Variants in FBXO47 observed in about 807,000 individuals in gnomAD.
FBXO47 encodes F-box only protein 47.
FBXO47 carries 34 observed loss-of-function variants against 53.9 expected under a neutral mutation model. The ratio of observed to expected loss-of-function variants is 0.63; its 90% CI spans 0.48 to 0.84. FBXO47 has a LOEUF of 0.84. Among genes scored for constraint, FBXO47 ranks in the 40% least tolerant of loss-of-function variants. The probability of loss-of-function intolerance (pLI) is 0.00; values close to 1 mark genes in which losing one functional copy is unlikely to be tolerated. For missense variants in FBXO47, 485 were observed against 541.3 expected (o/e 0.90, Z 1.03); for synonymous variants, 165 against 181.6 (o/e 0.91, Z 0.73).
intron 6 of FBXO47, among the ~76,000 whole-genome samples, chr17:38,946,630 GAATATATAAA>G (rs1192341207): frequency 1.7e-4 from 1 of 5,800 alleles, no homozygotes; most frequent in African/African-American, 1.6e-3. Flanking sequence ...AAATATATAT[GAATATATAAA>G]TATATATAAA....
At chr17:38,961,819 A>G in intron 3 of FBXO47, 58 bp downstream of exon 3, 1 of 1,452,672 alleles carries the variant, frequency 6.9e-7, no homozygotes, top group Non-Finnish European at 9.5e-7. Flanking sequence ...TTGTATACTA[A>G]GTTTCTCTTA....
chr17:38,941,620 T>TTATATATATA (rs3040090), intron 9 of FBXO47, among the ~76,000 whole-genome samples: 3,715 of 114,946 alleles, frequency 0.032, 72 homozygotes, highest in East Asian at 0.087. Context: ...AAATATAATA[T>TTATATATATA]TATATATATA....
Position 38,937,063 on chromosome 17 carries a change from A to G in FBXO47, c.*112T>C. On this transcript the variant is annotated 3_prime_UTR_variant, in exon 11 of 11. Coordinates refer to ENST00000378079, the MANE Select transcript of FBXO47 (RefSeq NM_001008777.3). ...AATTCTATCCAGCTTTTGAATTCTT[A>G]GGTTACTTAGATGATAAAAAGTCCC... The G allele has an allele frequency of 4.4e-6, 2 of 454,376 alleles. No individual in the cohort carries two copies. The highest frequency in any genetic ancestry group is 7.9e-6 in the Non-Finnish European group (2 of 251,992). 28.1% of individuals were successfully genotyped at this position (454,376 alleles called of 1,614,324 possible). A position where few individuals can be genotyped will look rare whatever the true frequency, so the allele number is the denominator to read the frequency against.
chr17:38,967,010 A>T (rs1418873411), intron 1 of FBXO47, among the ~76,000 whole-genome samples: 2 of 151,576 alleles, frequency 1.3e-5, no homozygotes, highest in African/African-American at 4.9e-5. Context: ...AACTACATTC[A>T]CAGGGATGTC....
rs1555559725 is a variant in FBXO47, at chr17:38,939,323, AATATATAT to A, written c.1084-599_1084-592del. On this transcript the variant is annotated intron_variant, in intron 9 of 10. Transcript: ENST00000378079. ...AAAAAAAAAAAAAAAAAAAAAAAAA[AATATATAT>A]ATATATATATATATGTATTGAAAAC... Among the ~76,000 whole-genome samples the A allele has an allele frequency of 1.2e-4, 6 of 50,178 alleles. No individual in the cohort carries two copies. The South Asian group carries it at 4.1e-3, about 34-fold the overall frequency. 32.9% of individuals were successfully genotyped at this position (50,178 alleles called of 152,430 possible). A position where few individuals can be genotyped will look rare whatever the true frequency, so the allele number is the denominator to read the frequency against.
At chr17:38,955,794 CT>C in intron 4 of FBXO47, among the ~76,000 whole-genome samples, 1 of 151,642 alleles carries the variant, frequency 6.6e-6, no homozygotes, top group South Asian at 2.1e-4. Flanking sequence ...CCTGTCTCTA[CT>C]AAGAATACAA....
At position 38,954,899 on chromosome 17, in the gene FBXO47, G is replaced by C. The variant is rs554557125; in HGVS notation, c.464C>G (p.Pro155Arg). The C allele has an allele frequency of 6.2e-7, 1 of 1,610,926 alleles. No homozygotes were observed. Among genetic ancestry groups the C allele is most frequent in the Admixed American group, 1.7e-5 (1 of 59,408 alleles). ...ACATGTTAATCCTAAACACTGCATAGGAGCTGCACAGCCATTGAATTTAAA... is the reference window on the plus strand; with the variant it reads ...ACATGTTAATCCTAAACACTGCATACGAGCTGCACAGCCATTGAATTTAAA... The part of the protein sequence containing the change: ...SCFKFNGCAA[P>R]MQCLGLTCYG... Residue 155 changes from proline to arginine, a missense_variant, in exon 5 of 11, where the codon CCT becomes CGT. Physicochemically the swap from Pro to Arg is moderately radical, Grantham distance 103. Transcript: ENST00000378079.
chr17:38,948,634 A>C (rs1408083341), intron 6 of FBXO47, among the ~76,000 whole-genome samples: 7 of 152,056 alleles, frequency 4.6e-5, no homozygotes, highest in African/African-American at 1.7e-4. Context: ...TCAGCACTTC[A>C]TTCTTTTTTT....
intron 9 of FBXO47, among the ~76,000 whole-genome samples, chr17:38,939,293 C>CAAAAAAAAAAAAAAAAAA (rs1218321299): frequency 2.9e-5 from 1 of 34,862 alleles, no homozygotes; most frequent in Admixed American, 6.8e-4. Flanking sequence ...ACTCCATCTC[C>CAAAAAAAAAAAAAAAAAA]AAAAAAAAAA....
rs1905879585 is a variant in FBXO47, at chr17:38,962,868, T to C, written c.158A>G (p.Gln53Arg). Residue 53 changes from glutamine (Q) to arginine (R), a missense_variant, in exon 2 of 11, where the codon CAG (glutamine) becomes CGG (arginine). Transcript: ENST00000378079. The part of the protein sequence containing the change: ...NFKALPLEIF[Q>R]IILKYLSVKD... ...ACCTGACAAATATTTTAAAATTATCTGGAATATTTCCAATGGTAAGGCTTT... is the reference window on the plus strand; with the variant it reads ...ACCTGACAAATATTTTAAAATTATCCGGAATATTTCCAATGGTAAGGCTTT... 6.2e-7 allele frequency: 1 copy of C among 1,611,636 alleles called. No homozygotes were observed.
intron 3 of FBXO47, among the ~76,000 whole-genome samples, chr17:38,959,151 A>T (rs1055288955): frequency 7.8e-5 from 11 of 141,616 alleles, no homozygotes; most frequent in Admixed American, 2.1e-4. Flanking sequence ...CTGGCTGTTT[A>T]AAAAAAAAAA....
intron 4 of FBXO47, among the ~76,000 whole-genome samples, chr17:38,955,211 C>T (rs1905490584): frequency 6.6e-6 from 1 of 151,858 alleles, no homozygotes; most frequent in Admixed American, 6.6e-5. Context: ...CATGGTGAAG[C>T]TCCGTCTCTG....
Position 38,951,667 on chromosome 17 carries a change from T to G in FBXO47, c.530A>C (p.Glu177Ala), listed in dbSNP as rs1905296110. The G allele has an allele frequency of 6.2e-7, 1 of 1,613,520 alleles. No individual in the cohort carries two copies. Among genetic ancestry groups the G allele is most frequent in the Non-Finnish European group, 8.5e-7 (1 of 1,179,672 alleles). ...ATTATAAACGCGATGGCACTCAAGT[T>G]CATCCCAACCTGCTGTTAAGGTCTG... ...FLQTLTAGWDELECHRVYNFL... is the reference protein window; with the variant it reads ...FLQTLTAGWDALECHRVYNFL... The change falls in exon 6 of 11, where the codon GAA (glutamate) becomes GCA (alanine). Residue 177 changes from glutamate to alanine, a missense_variant. Physicochemically the swap from Glu to Ala is moderately radical, Grantham distance 107. Coordinates refer to ENST00000378079, the MANE Select transcript of FBXO47 (RefSeq NM_001008777.3).
At chr17:38,966,317 T>G (rs1238518965) in intron 1 of FBXO47, among the ~76,000 whole-genome samples, 1 of 152,154 alleles carries the variant, frequency 6.6e-6, no homozygotes, top group African/African-American at 2.4e-5. Context: ...TTCTCCTGCC[T>G]CAGCCTCCCT....
At chr17:38,946,086 A>C (rs1904767867) in intron 6 of FBXO47, among the ~76,000 whole-genome samples, 1 of 129,796 alleles carries the variant, frequency 7.7e-6, no homozygotes, top group Non-Finnish European at 1.6e-5. Context: ...ATATATAAAT[A>C]CATAAATATA....
At position 38,946,350 on chromosome 17, in the gene FBXO47, A is replaced by AG. The variant is rs1491102758; in HGVS notation, c.617-1215_617-1214insC. Among the ~76,000 whole-genome samples the AG allele has an allele frequency of 7.2e-3, 625 of 87,036 alleles. 49 individuals carry two copies. Among genetic ancestry groups the AG allele is most frequent in the African/African-American group, 0.032 (577 of 17,836 alleles). The allele number at this position is 87,036 out of a possible 152,430, so 57.1% of individuals were successfully genotyped here. ...AATATATAAATATATATAAATATAT[A>AG]AATATATATAAATATATAGATATAT... is the stretch of plus-strand genomic sequence containing the variant. On this transcript the variant is annotated intron_variant, in intron 6 of 10. Coordinates refer to ENST00000378079, the MANE Select transcript of FBXO47 (RefSeq NM_001008777.3).
At chr17:38,950,462 ATTTTTTT>A (rs71352328) in intron 6 of FBXO47, among the ~76,000 whole-genome samples, 2 of 128,532 alleles carry the variant, frequency 1.6e-5, no homozygotes, top group African/African-American at 5.7e-5. Context: ...TGCCCGCCTA[ATTTTTTT>A]TTTTTTTTTT....
At chr17:38,951,211 A>T (rs995734919) in intron 6 of FBXO47, among the ~76,000 whole-genome samples, 1 of 149,744 alleles carries the variant, frequency 6.7e-6, no homozygotes, top group Non-Finnish European at 1.5e-5. Flanking sequence ...TTTTTTATTT[A>T]TCGAGACAGG....
At chr17:38,937,881 G>A (rs1367528522) in intron 10 of FBXO47, among the ~76,000 whole-genome samples, 1 of 151,880 alleles carries the variant, frequency 6.6e-6, no homozygotes, top group Non-Finnish European at 1.5e-5. Flanking sequence ...TGTTAGCCAG[G>A]ATGGTCTCGA....
Sources: gnomAD v4.1 joint callset for allele counts (sites outside exome capture counted in the v4.1 genomes callset) on GRCh38, gnomAD v4.1.1 for gene constraint, MANE v1.5 for transcripts, NCBI Gene and HGNC (gene_info 2026-07-23, HGNC 2026-07-21) for gene names.